The following F10 variants were observed in gnomAD, a reference collection of about 807,000 sequenced individuals.
F10 encodes Stuart-Prower factor.
A neutral mutation model predicts 37.1 loss-of-function variants in F10; 29 were observed. The ratio of observed to expected loss-of-function variants is 0.78; its 90% CI spans 0.58 to 1.07. The LOEUF is 1.07. Ranked by LOEUF, F10 falls within the 50% of genes least tolerant of loss-of-function variation. F10 has a pLI of 0.00. For missense variants in F10, 539 were observed against 667.9 expected (o/e 0.81, Z 2.13); for synonymous variants, 262 against 268.6 (o/e 0.98, Z 0.24).
At chr13:113,145,119 A>T (rs2036570384) in intron 6 of F10, among the ~76,000 whole-genome samples, 1 of 152,172 alleles carries the variant, frequency 6.6e-6, no homozygotes, top group African/African-American at 2.4e-5. Context: ...TGACCTGGTG[A>T]TCTGCCCACC....
intron 1 of F10, chr13:113,128,827 G>A (rs1278316967): frequency 4.0e-5 from 6 of 149,788 alleles, no homozygotes; most frequent in Admixed American, 1.3e-4. Flanking sequence ...GTTGCAGTGA[G>A]CTGAGATTGT....
intron 2 of F10, chr13:113,130,146 G>A: frequency 5.0e-6 from 1 of 198,508 alleles, no homozygotes; most frequent in South Asian, 9.3e-5. Flanking sequence ...CCGGCACTGC[G>A]CCTGCGCAGC....
intron 7 of F10, among the ~76,000 whole-genome samples, chr13:113,148,395 T>C (rs981485116): frequency 7.2e-5 from 2 of 27,688 alleles, no homozygotes; most frequent in East Asian, 5.9e-3. Flanking sequence ...TATATACATA[T>C]ATATACACAC....
In F10 at chr13:113,124,910, G is replaced by A. The variant is rs144824003; in HGVS notation, c.70+1985G>A. ...TGTTTCCTGGCCTCGGGGTGCCAGC[G>A]GCCTCACAGCCCATGGCTTGTGGGA... On this transcript the variant is annotated intron_variant, in intron 1 of 7. Coordinates refer to ENST00000375559, the MANE Select transcript of F10 (RefSeq NM_000504.4). Among the ~76,000 whole-genome samples the A allele has an allele frequency of 5.0e-4, 76 of 152,324 alleles. 1 individual carries two copies. The highest frequency in any genetic ancestry group is 4.6e-3 in the East Asian group (24 of 5,174).
chr13:113,147,728 G>C (rs3211801), intron 7 of F10, among the ~76,000 whole-genome samples: 3 of 152,270 alleles, frequency 2.0e-5, no homozygotes, highest in Admixed American at 2.0e-4. Context: ...TCTCCCACTG[G>C]GTGTCCAGGT....
chr13:113,136,493 C>T (rs570315565), intron 2 of F10, among the ~76,000 whole-genome samples: 2 of 151,252 alleles, frequency 1.3e-5, no homozygotes, highest in South Asian at 2.1e-4. Context: ...AGAGTCTTCC[C>T]GTTGCCCAGG....
intron 1 of F10, among the ~76,000 whole-genome samples, chr13:113,125,786 G>T (rs766549501): frequency 6.6e-6 from 1 of 152,244 alleles, no homozygotes; most frequent in East Asian, 1.9e-4. Flanking sequence ...AGTTCCGGCC[G>T]TGCTAGGCAC....
At chr13:113,142,235 A>G (rs2036535462) in intron 5 of F10, among the ~76,000 whole-genome samples, 1 of 152,198 alleles carries the variant, frequency 6.6e-6, no homozygotes, top group Non-Finnish European at 1.5e-5. Flanking sequence ...AGAAACAATC[A>G]CAAATCCATT....
At position 113,124,327 on chromosome 13, in the gene F10, G is replaced by A. The variant is rs537090743; in HGVS notation, c.70+1402G>A. Reference sequence around the variant, plus strand: ...GAGTTATGCAGAGTCCTGGTGGAGCGCCAGCTTCCCTTCCTGCCAATGGGA... The same window carrying A: ...GAGTTATGCAGAGTCCTGGTGGAGCACCAGCTTCCCTTCCTGCCAATGGGA... On this transcript the variant is annotated intron_variant, in intron 1 of 7. Coordinates refer to ENST00000375559, the MANE Select transcript of F10 (RefSeq NM_000504.4). 3.3e-5 allele frequency among the ~76,000 whole-genome samples: 5 copies of A among 152,330 alleles called. No individual in the cohort carries two copies. The South Asian group carries it at 8.3e-4, about 25-fold the overall frequency.
rs2036553066 is a variant in F10, at chr13:113,143,644, G to C, written c.503-207G>C. On this transcript the variant is annotated intron_variant, in intron 5 of 7. Coordinates refer to ENST00000375559, the MANE Select transcript of F10 (RefSeq NM_000504.4). This position sits in a 1 kb window ranked among gnomAD's most constrained non-coding sequence, Gnocchi z 6.8. ...CATTGTTCACAGGCGGTCACCTGAGGGGAGGCCAACGCTCGGACAGCTGCG... is the reference window on the plus strand; with the variant it reads ...CATTGTTCACAGGCGGTCACCTGAGCGGAGGCCAACGCTCGGACAGCTGCG... Among the ~76,000 whole-genome samples, 3 of 152,282 alleles carry C rather than the reference G, an allele frequency of 2.0e-5. No homozygotes were observed. The highest frequency in any genetic ancestry group is 4.1e-4 in the South Asian group (2 of 4,830).
intron 2 of F10, among the ~76,000 whole-genome samples, chr13:113,133,646 T>C (rs756479301): frequency 1.3e-5 from 2 of 152,172 alleles, no homozygotes; most frequent in Admixed American, 6.5e-5. Context: ...TTCCAGAACA[T>C]AGAAGAGGGA....
At chr13:113,129,288 C>G (rs546495806) in intron 1 of F10, among the ~76,000 whole-genome samples, 164 bp from the exon 2 acceptor site, 1 of 152,320 alleles carries the variant, frequency 6.6e-6, no homozygotes, top group African/African-American at 2.4e-5. Context: ...GACGGGTCCA[C>G]TCAGTGAGTT....
At chr13:113,140,091 T>TTTTG (rs2036513281) in intron 4 of F10, among the ~76,000 whole-genome samples, 1 of 140,126 alleles carries the variant, frequency 7.1e-6, no homozygotes, top group East Asian at 2.2e-4. Flanking sequence ...TTTTTTTTTT[T>TTTTG]GAGATGGAGT....
At chr13:113,147,036 T>A (rs1031563364) in intron 6 of F10, among the ~76,000 whole-genome samples, 1 of 152,084 alleles carries the variant, frequency 6.6e-6, no homozygotes, top group Admixed American at 6.5e-5. Context: ...CAGACTGGCG[T>A]CTCCTGGTCC....
intron 2 of F10, among the ~76,000 whole-genome samples, chr13:113,135,907 T>C (rs375815587): frequency 2.0e-5 from 3 of 152,280 alleles, no homozygotes; most frequent in East Asian, 3.9e-4. Flanking sequence ...TTTATCAAAA[T>C]TAAAACCTTT....
rs540540514 is a variant in F10 at position 113,145,023 on chromosome 13, C to T, written c.747+928C>T. On this transcript the variant is annotated intron_variant, in intron 6 of 7. Transcript: ENST00000375559. Reference sequence around the variant, plus strand: ...CCTCCCGAGTAGCTGGGACTACAGGCGCCTGCCACCACGCCCAGCTAATTT... The same window carrying T: ...CCTCCCGAGTAGCTGGGACTACAGGTGCCTGCCACCACGCCCAGCTAATTT... 1.3e-3 allele frequency among the ~76,000 whole-genome samples: 203 copies of T among 152,260 alleles called. 1 individual carries two copies. Among genetic ancestry groups the T allele is most frequent in the African/African-American group, 3.9e-3 (160 of 41,548 alleles).
intron 1 of F10, among the ~76,000 whole-genome samples, chr13:113,125,401 T>C (rs2036360857): frequency 6.6e-6 from 1 of 152,232 alleles, no homozygotes; most frequent in Admixed American, 6.5e-5. Flanking sequence ...AGTTGCTGAC[T>C]GTGGAATTCA....
chr13:113,139,502 C>T lies in F10; in HGVS notation c.370+32C>T. 6.5e-7 allele frequency: 1 copy of T among 1,540,904 alleles called. No individual in the cohort carries two copies. The highest frequency in any genetic ancestry group is 9.0e-7 in the Non-Finnish European group (1 of 1,113,742). On this transcript the variant is annotated intron_variant, in intron 4 of 7. Coordinates refer to ENST00000375559, the MANE Select transcript of F10 (RefSeq NM_000504.4). The surrounding 1 kb of genome is among the most constrained non-coding windows in gnomAD (Gnocchi z 5.2). ...TCCTCTGCTTGGTATACCTTCAGAT[C>T]AGATGCCCCTGAAGAGTGGCAGGTG... is the stretch of plus-strand genomic sequence containing the variant.
intron 1 of F10, among the ~76,000 whole-genome samples, chr13:113,127,507 A>G (rs1368723538): frequency 6.6e-6 from 1 of 152,202 alleles, no homozygotes; most frequent in Admixed American, 6.6e-5. Context: ...GGAGTGGGTG[A>G]GAGACAAAGG....
Sources: gnomAD v4.1 joint callset for allele counts (sites outside exome capture counted in the v4.1 genomes callset) on GRCh38, gnomAD v4.1.1 for gene constraint, Gnocchi (gnomAD v3.1) non-coding constraint, MANE v1.5 for transcripts, NCBI Gene and HGNC (gene_info 2026-07-23, HGNC 2026-07-21) for gene names.